Variants in MAML1 observed in about 807,000 individuals in gnomAD.
MAML1 encodes the protein mastermind like transcriptional coactivator 1.
A neutral mutation model predicts 77.1 loss-of-function variants in MAML1; 14 were observed. The observed-to-expected ratio is 0.18, with a 90% CI of 0.12 to 0.28. The LOEUF is 0.28. Ranked by LOEUF, MAML1 falls within the 10% of genes least tolerant of loss-of-function variation. The pLI, the probability that MAML1 is intolerant of heterozygous loss-of-function variation, is 1.00. For missense variants in MAML1, 1,217 were observed against 1,327.8 expected, an observed-to-expected ratio of 0.92 and a Z score of 1.30; for synonymous variants, 516 against 551.9, an observed-to-expected ratio of 0.93 and a Z score of 0.91.
chr5:179,759,716 T>C (rs1779689860), intron 1 of MAML1, among the ~76,000 whole-genome samples: 1 of 152,218 alleles, frequency 6.6e-6, no homozygotes, highest in Non-Finnish European at 1.5e-5. Flanking sequence ...TTAACAATTA[T>C]TGCCTTAAAA....
rs751636661 is a variant in MAML1, at chr5:179,774,363, A to G, written c.2537A>G (p.Asn846Ser). ...TCCTGGCAGCATCAGGGAATGCCGA[A>G]CCTCAGTGGCCAGACCCCAGGGAAC... ...NSSWQHQGMP[N>S]LSGQTPGNSN... Residue 846 changes from asparagine to serine, a missense_variant, in exon 5 of 5, where the codon AAC becomes AGC. By Grantham distance (46) the Asn-to-Ser change is conservative. Around this residue, in one of 3 missense-constraint regions of MAML1, gnomAD observed 884 missense variants for 949.3 expected, o/e 0.93. Coordinates refer to ENST00000292599, the MANE Select transcript of MAML1 (RefSeq NM_014757.5). 1.9e-6 allele frequency: 3 copies of G among 1,613,228 alleles called. No individual in the cohort carries two copies. Among genetic ancestry groups the G allele is most frequent in the Non-Finnish European group, 2.5e-6 (3 of 1,180,014 alleles).
chr5:179,774,747 A>G lies in MAML1; in HGVS notation c.2921A>G (p.Tyr974Cys). 6.2e-7 allele frequency: 1 copy of G among 1,612,924 alleles called. No individual in the cohort carries two copies. Among genetic ancestry groups the G allele is most frequent in the African/African-American group, 1.3e-5 (1 of 75,076 alleles). Residue 974 changes from tyrosine to cysteine, a missense_variant, in exon 5 of 5, where the codon TAT becomes TGT. Around this residue, in one of 3 missense-constraint regions of MAML1, gnomAD observed 884 missense variants for 949.3 expected, o/e 0.93. Coordinates refer to ENST00000292599, the MANE Select transcript of MAML1 (RefSeq NM_014757.5). ...GCGGGCCAGGAGCTGCCTTTTGCCT[A>G]TAGCGGGCAGCCAGGTGGCAGTGGG... is the stretch of plus-strand genomic sequence containing the variant. ...RTAGQELPFAYSGQPGGSGLS... is the reference protein window; with the variant it reads ...RTAGQELPFACSGQPGGSGLS...
intron 1 of MAML1, among the ~76,000 whole-genome samples, chr5:179,762,718 T>C (rs1469500435): frequency 6.6e-6 from 1 of 152,212 alleles, no homozygotes; most frequent in Non-Finnish European, 1.5e-5. Context: ...CCCATCTCTA[T>C]TGTGATTCTT....
At chr5:179,768,799 T>C in intron 2 of MAML1, 51 bp from the exon 3 acceptor site, 1 of 1,599,008 alleles carries the variant, frequency 6.3e-7, no homozygotes, top group East Asian at 2.2e-5. Flanking sequence ...TGGAGCTTAT[T>C]TGGTCTGATC....
At position 179,776,106 on chromosome 5, in the gene MAML1, TG is replaced by T. The variant is rs767812952; in HGVS notation, c.*1230del. The T allele has an allele frequency of 1.6e-5, 16 of 985,834 alleles. No individual in the cohort carries two copies. The highest frequency in any genetic ancestry group is 1.9e-5 in the Non-Finnish European group (16 of 829,962). The allele number at this position is 985,834 out of a possible 1,614,324, so 61.1% of individuals were successfully genotyped here. On this transcript the variant is annotated 3_prime_UTR_variant, in exon 5 of 5. Transcript: ENST00000292599. ...ACGAAATAGAATATGACATGTGAGC[TG>T]TTTTTGGAAAACGAAGATGGAGAGA...
chr5:179,758,832 G>A (rs571327132), intron 1 of MAML1, among the ~76,000 whole-genome samples: 4 of 152,072 alleles, frequency 2.6e-5, no homozygotes, highest in African/African-American at 7.2e-5. Flanking sequence ...GTGAAACCCC[G>A]TCTCTACTCA....
In MAML1 at chr5:179,766,700, C is replaced by G. The variant is rs747463561; in HGVS notation, c.1690C>G (p.Pro564Ala). The G allele has an allele frequency of 4.4e-6, 7 of 1,581,050 alleles. No homozygotes were observed. The highest frequency in any genetic ancestry group is 1.2e-5 in the South Asian group (1 of 86,882). The stretch of plus-strand genomic sequence containing the variant: ...CTCCCTGTTTCTGATGAAGCCAAAG[C>G]CAGGAAATATGCCTTTCCGATCACT... ...QNSLFLMKPK[P>A]GNMPFRSLVP... The change falls in exon 2 of 5, where the codon CCA (proline) becomes GCA (alanine). Residue 564 changes from proline to alanine, a missense_variant. By Grantham distance (27) the Pro-to-Ala change is conservative (BLOSUM62 -1). Around this residue, in one of 3 missense-constraint regions of MAML1, gnomAD observed 884 missense variants for 949.3 expected, o/e 0.93. Coordinates refer to ENST00000292599, the MANE Select transcript of MAML1 (RefSeq NM_014757.5). The surrounding 1 kb of genome is among the most constrained non-coding windows in gnomAD (Gnocchi z 4.0).
intron 1 of MAML1, among the ~76,000 whole-genome samples, chr5:179,745,430 T>C (rs1314413701): frequency 6.6e-6 from 1 of 151,690 alleles, no homozygotes; most frequent in Non-Finnish European, 1.5e-5. Flanking sequence ...AGGAAAGTAA[T>C]AATGGCTGGG....
chr5:179,767,224 A>T (rs890993955), intron 2 of MAML1, among the ~76,000 whole-genome samples: 3 of 149,794 alleles, frequency 2.0e-5, no homozygotes, highest in Non-Finnish European at 4.4e-5. Context: ...TGCTTACTTC[A>T]TCATGGTTCT....
intron 1 of MAML1, among the ~76,000 whole-genome samples, chr5:179,739,973 A>G (rs10516146): frequency 0.46 from 69,377 of 152,002 alleles, 17,180 homozygotes; most frequent in South Asian, 0.62. Flanking sequence ...GAGGAGGTCA[A>G]TATTTTTGTT....
chr5:179,768,866 G>T lies in MAML1; in HGVS notation c.1748G>T (p.Ser583Ile). The T allele has an allele frequency of 6.2e-7, 1 of 1,614,118 alleles. No homozygotes were observed. Among genetic ancestry groups the T allele is most frequent in the Non-Finnish European group, 8.5e-7 (1 of 1,180,026 alleles). The change falls in exon 3 of 5, where the codon AGT becomes ATT. Residue 583 changes from serine to isoleucine, a missense_variant. Physicochemically the swap from Ser to Ile is moderately radical, Grantham distance 142. This residue lies in a region of MAML1 where 884 missense variants were observed against 949.3 expected (regional missense o/e 0.93). Coordinates refer to ENST00000292599, the MANE Select transcript of MAML1 (RefSeq NM_014757.5). ...VPPGQEQNPS[S>I]VPVQAQATSV... Reference sequence around the variant, plus strand: ...TGTTGACAGGAGCAGAACCCTTCCAGTGTCCCTGTGCAAGCCCAGGCTACC... The same window carrying T: ...TGTTGACAGGAGCAGAACCCTTCCATTGTCCCTGTGCAAGCCCAGGCTACC...
chr5:179,749,332 G>A (rs939405502), intron 1 of MAML1, among the ~76,000 whole-genome samples: 3 of 152,186 alleles, frequency 2.0e-5, no homozygotes, highest in East Asian at 1.9e-4. Flanking sequence ...CTCCACGTTG[G>A]TCAGGCTGGT....
At position 179,733,081 on chromosome 5, in the gene MAML1, G is replaced by T. The variant is rs1465373465; in HGVS notation, c.-32G>T. The T allele has an allele frequency of 6.3e-6, 8 of 1,272,246 alleles. No individual in the cohort carries two copies. The highest frequency in any genetic ancestry group is 7.9e-6 in the Non-Finnish European group (8 of 1,007,660). The allele number at this position is 1,272,246 out of a possible 1,614,324, so 78.8% of individuals were successfully genotyped here. A position where few individuals can be genotyped will look rare whatever the true frequency, so the allele number is the denominator to read the frequency against. The stretch of plus-strand genomic sequence containing the variant: ...GTGCCAGCCGGCCCCGAGAGGCCCG[G>T]CCCCGGGCCCGGCCCGTGCAGCCCG... On this transcript the variant is annotated 5_prime_UTR_variant, in exon 1 of 5. Transcript: ENST00000292599.
Position 179,774,281 on chromosome 5 carries a change from G to T in MAML1, c.2455G>T (p.Gly819Cys). The change falls in exon 5 of 5, where the codon GGT (glycine) becomes TGT (cysteine). Residue 819 changes from glycine (G) to cysteine (C), a missense_variant. Gly to Cys is a radical substitution (Grantham distance 159, BLOSUM62 -3). Around this residue, in one of 3 missense-constraint regions of MAML1, gnomAD observed 884 missense variants for 949.3 expected, o/e 0.93. Coordinates refer to ENST00000292599, the MANE Select transcript of MAML1 (RefSeq NM_014757.5). ...GCACAATAAGGGGACCCTGAACCCT[G>T]GTTTAACAAAGCCACCGGTCCCAAG... ...QQHNKGTLNP[G>C]LTKPPVPRVS... 6.2e-7 allele frequency: 1 copy of T among 1,613,418 alleles called. No individual in the cohort carries two copies. The highest frequency in any genetic ancestry group is 8.5e-7 in the Non-Finnish European group (1 of 1,179,984).
chr5:179,745,777 G>A (rs1779366825), intron 1 of MAML1, among the ~76,000 whole-genome samples: 2 of 146,900 alleles, frequency 1.4e-5, no homozygotes, highest in African/African-American at 2.5e-5. Flanking sequence ...GGAGAATGGC[G>A]TGAACCCAGG....
In MAML1 at chr5:179,733,665, A is replaced by G. The variant is rs139063613; in HGVS notation, c.315+238A>G. ...GCCTTGCAGGAGGCCCGACCTGGGAAGGCTGGCGAACGCTAACCGGAGGGT... is the reference window on the plus strand; with the variant it reads ...GCCTTGCAGGAGGCCCGACCTGGGAGGGCTGGCGAACGCTAACCGGAGGGT... On this transcript the variant is annotated intron_variant, in intron 1 of 4. Coordinates refer to ENST00000292599, the MANE Select transcript of MAML1 (RefSeq NM_014757.5). 1.4e-4 allele frequency among the ~76,000 whole-genome samples: 22 copies of G among 152,372 alleles called. No homozygotes were observed. The East Asian group carries it at 3.9e-3, about 27-fold the overall frequency.
chr5:179,761,464 A>C (rs1581940163), intron 1 of MAML1, among the ~76,000 whole-genome samples: 2 of 152,254 alleles, frequency 1.3e-5, no homozygotes, highest in Middle Eastern at 6.8e-3. Flanking sequence ...TGGGAGGCCG[A>C]GGTGAGCGGA....
chr5:179,768,584 C>T (rs1387944314), intron 2 of MAML1, among the ~76,000 whole-genome samples: 1 of 152,236 alleles, frequency 6.6e-6, no homozygotes, highest in Non-Finnish European at 1.5e-5. Flanking sequence ...CTTACATATG[C>T]TTAACGTAAA....
In MAML1 at chr5:179,774,563, A is replaced by C. The variant is rs752827713; in HGVS notation, c.2737A>C (p.Ser913Arg). The C allele has an allele frequency of 3.7e-6, 6 of 1,612,664 alleles. No homozygotes were observed. The South Asian group carries it at 5.5e-5, about 15-fold the overall frequency. ...LPPVSAQQRT[S>R]APAPAPPPTA... Reference sequence around the variant, plus strand: ...CCCAGTGAGTGCACAGCAGAGGACCAGCGCCCCTGCCCCAGCACCACCCCC... The same window carrying C: ...CCCAGTGAGTGCACAGCAGAGGACCCGCGCCCCTGCCCCAGCACCACCCCC... The change falls in exon 5 of 5, where the codon AGC becomes CGC. Residue 913 changes from serine (S) to arginine (R), a missense_variant. Physicochemically the swap from Ser to Arg is moderately radical, Grantham distance 110 (BLOSUM62 -1). This residue lies in a region of MAML1 where 884 missense variants were observed against 949.3 expected (regional missense o/e 0.93). Transcript: ENST00000292599.
Sources: allele counts gnomAD v4.1 joint callset (sites outside exome capture counted in the v4.1 genomes callset), GRCh38; gene constraint gnomAD v4.1.1; regional missense constraint gnomAD v4.1.1; non-coding constraint Gnocchi (gnomAD v3.1); transcripts MANE v1.5; gene names NCBI Gene and HGNC (gene_info 2026-07-23, HGNC 2026-07-21).